CDC20B: variants seen among roughly 807,000 people sequenced by gnomAD.
CDC20B encodes the protein cell division cycle 20B, also known as cell division cycle protein 20 homolog B.
CDC20B carries 58 observed loss-of-function variants against 64.1 expected under a neutral mutation model. The observed-to-expected ratio is 0.90, with a 90% CI of 0.73 to 1.13. The LOEUF is 1.13. Among genes scored for constraint, CDC20B ranks in the 50% most tolerant of loss-of-function variants. The pLI is 0.00. For missense variants in CDC20B, 597 were observed against 633.0 expected, an observed-to-expected ratio of 0.94 and a Z score of 0.61; for synonymous variants, 243 against 230.6, an observed-to-expected ratio of 1.05 and a Z score of -0.49.
At chr5:55,134,522 G>A (rs1202575116) in intron 5 of CDC20B, among the ~76,000 whole-genome samples, 23 of 152,208 alleles carry the variant, frequency 1.5e-4, no homozygotes, top group Admixed American at 1.5e-3. Flanking sequence ...CAGCACTTTA[G>A]GAGCTGAGGC....
At chr5:55,161,770 G>A (rs1377243929) in intron 2 of CDC20B, among the ~76,000 whole-genome samples, 1 of 152,012 alleles carries the variant, frequency 6.6e-6, no homozygotes, top group Non-Finnish European at 1.5e-5. Flanking sequence ...TTTTTCAGAG[G>A]GCAGTAGTGT....
intron 2 of CDC20B, among the ~76,000 whole-genome samples, chr5:55,151,637 G>A (rs758890805): frequency 7.9e-5 from 12 of 152,284 alleles, no homozygotes; most frequent in Admixed American, 2.0e-4. Context: ...ATATCCTACC[G>A]CCTTAGCAGG....
intron 6 of CDC20B, among the ~76,000 whole-genome samples, chr5:55,130,966 C>CA (rs1170756754): frequency 6.6e-6 from 1 of 151,810 alleles, no homozygotes; most frequent in Non-Finnish European, 1.5e-5. Flanking sequence ...TATAAAAAAT[C>CA]AAAAAATTAC....
chr5:55,152,391 C>T (rs1409418017), intron 2 of CDC20B, among the ~76,000 whole-genome samples: 6 of 152,246 alleles, frequency 3.9e-5, no homozygotes. Flanking sequence ...TTACCAAACA[C>T]TTAATCCGTG....
At chr5:55,122,460 G>A (rs138428700) in intron 9 of CDC20B, among the ~76,000 whole-genome samples, 182 of 151,936 alleles carry the variant, frequency 1.2e-3, no homozygotes, top group African/African-American at 4.2e-3. Flanking sequence ...AAGATTCTGC[G>A]GCAGATTGTA....
chr5:55,153,280 G>A (rs1055705027), intron 2 of CDC20B, among the ~76,000 whole-genome samples: 3 of 136,464 alleles, frequency 2.2e-5, no homozygotes, highest in African/African-American at 8.2e-5. Context: ...TTTTCAAATT[G>A]TACAGAGTAA....
chr5:55,147,215 T>C (rs10075758), intron 2 of CDC20B, among the ~76,000 whole-genome samples: 1,305 of 28,372 alleles, frequency 0.046, 10 homozygotes, highest in East Asian at 0.14. Flanking sequence ...AAATATGTTA[T>C]GTTTTATATA....
Position 55,124,902 on chromosome 5 carries a change from G to A in CDC20B, c.1116C>T (p.Ser372=), listed in dbSNP as rs748116618. 6.2e-6 allele frequency: 10 copies of A among 1,614,130 alleles called. No homozygotes were observed. Among genetic ancestry groups the A allele is most frequent in the East Asian group, 4.5e-5 (2 of 44,880 alleles). The part of the protein sequence containing the change: ...KWSPDGRLLS[S]GCSDGLLTIW... ...TTGTCAGCAGTCCATCACTGCAGCCGCTGGAAAGCAGCCTGCCATCCGGTG... is the reference window on the plus strand; with the variant it reads ...TTGTCAGCAGTCCATCACTGCAGCCACTGGAAAGCAGCCTGCCATCCGGTG... The change falls in exon 9 of 12, where the codon AGC becomes AGT. Residue 372 remains serine, a synonymous_variant. Transcript: ENST00000381375.
At chr5:55,156,747 G>A (rs535808006) in intron 2 of CDC20B, among the ~76,000 whole-genome samples, 90 of 152,194 alleles carry the variant, frequency 5.9e-4, no homozygotes, top group African/African-American at 2.0e-3. Context: ...TTTGGCGCGT[G>A]CCTGTAGTCC....
intron 9 of CDC20B, among the ~76,000 whole-genome samples, chr5:55,122,820 G>A (rs993845334): frequency 6.6e-6 from 1 of 152,136 alleles, no homozygotes; most frequent in African/African-American, 2.4e-5. Context: ...CCAGGCAGCT[G>A]GCAAACAAGT....
rs535928594 is a variant in CDC20B, at chr5:55,158,862, G to A, written c.127-12006C>T. Among the ~76,000 whole-genome samples the A allele has an allele frequency of 2.6e-5, 4 of 152,220 alleles. No homozygotes were observed. The East Asian group carries it at 5.8e-4, about 22-fold the overall frequency. ...CTGTGCCAGGCAACAGCCAGGGGAG[G>A]GAAATAAAGAGAAAAAACGAAGCAA... On this transcript the variant is annotated intron_variant, in intron 2 of 11. Coordinates refer to ENST00000381375, the MANE Select transcript of CDC20B (RefSeq NM_001170402.1).
At chr5:55,156,902 AAG>A (rs1277540665) in intron 2 of CDC20B, among the ~76,000 whole-genome samples, 1 of 152,140 alleles carries the variant, frequency 6.6e-6, no homozygotes, top group Non-Finnish European at 1.5e-5. Flanking sequence ...ATAAAAAAAT[AAG>A]TCATTTATTT....
At chr5:55,120,602 C>T in intron 9 of CDC20B, 52 bp from the exon 10 acceptor site, 1 of 1,601,942 alleles carries the variant, frequency 6.2e-7, no homozygotes, top group Non-Finnish European at 8.5e-7. Context: ...AGGAGGTGCA[C>T]TCATGAATGT....
chr5:55,118,582 C>A (rs1742675817), intron 11 of CDC20B, among the ~76,000 whole-genome samples: 1 of 152,184 alleles, frequency 6.6e-6, no homozygotes, highest in South Asian at 2.1e-4. Context: ...GTTTTGTAAA[C>A]AACCAGGTTT....
intron 7 of CDC20B, 90 bp downstream of exon 7, chr5:55,128,331 C>A: frequency 1.0e-6 from 1 of 984,932 alleles, no homozygotes. Context: ...CACCTAGTTT[C>A]TCTATTTTAC....
At chr5:55,117,294 G>T (rs750233266) in intron 11 of CDC20B, among the ~76,000 whole-genome samples, 1 of 152,068 alleles carries the variant, frequency 6.6e-6, no homozygotes, top group Non-Finnish European at 1.5e-5. Context: ...AACAGGGTAC[G>T]GCTTAGTAAA....
intron 6 of CDC20B, among the ~76,000 whole-genome samples, chr5:55,132,121 C>T (rs1743047711): frequency 6.6e-6 from 1 of 152,088 alleles, no homozygotes; most frequent in Non-Finnish European, 1.5e-5. Context: ...AACATTGTTT[C>T]TTTTTAATAT....
intron 2 of CDC20B, among the ~76,000 whole-genome samples, chr5:55,150,946 A>G (rs1743647910): frequency 6.6e-6 from 1 of 152,062 alleles, no homozygotes; most frequent in South Asian, 2.1e-4. Flanking sequence ...GGGTTTCACC[A>G]TGTTGCCCAG....
intron 2 of CDC20B, among the ~76,000 whole-genome samples, chr5:55,152,429 G>T (rs1347943473): frequency 6.6e-6 from 1 of 152,138 alleles, no homozygotes; most frequent in Non-Finnish European, 1.5e-5. Context: ...TGAATCGGAG[G>T]GAGTGTCTAT....
Sources: gnomAD v4.1 joint callset for allele counts (sites outside exome capture counted in the v4.1 genomes callset) on GRCh38, gnomAD v4.1.1 for gene constraint, MANE v1.5 for transcripts, NCBI Gene and HGNC (gene_info 2026-07-23, HGNC 2026-07-21) for gene names.